The following MRPL42 variants were observed in gnomAD, a reference collection of about 807,000 sequenced individuals.
MRPL42 encodes large ribosomal subunit protein mL42.
In MRPL42, 17 loss-of-function variants were observed where a neutral mutation model predicts 17.9. The ratio of observed to expected loss-of-function variants is 0.95; its 90% CI spans 0.65 to 1.42. The LOEUF (loss-of-function observed/expected upper bound fraction) is 1.42. Ranked by LOEUF, MRPL42 falls within the 40% of genes most tolerant of loss-of-function variation. The pLI is 0.00. For synonymous variants in MRPL42, 59 were observed against 54.4 expected (o/e 1.08, Z -0.37); for missense variants, 177 against 175.2 (o/e 1.01, Z -0.06).
rs916296721 is a variant in MRPL42, at chr12:93,501,299, A to T, written c.*78A>T. 1.0e-5 allele frequency: 10 copies of T among 965,788 alleles called. No homozygotes were observed. The highest frequency in any genetic ancestry group is 1.7e-5 in the African/African-American group (1 of 58,358). The allele number at this position is 965,788 out of a possible 1,614,324, so 59.8% of individuals were successfully genotyped here. On this transcript the variant is annotated 3_prime_UTR_variant, in exon 6 of 6. Transcript: ENST00000549982. Reference sequence around the variant, plus strand: ...GAAAATGCAGTCTGGTGTATTCAGTAATATATAGTAAAGTAATAATGATAA... The same window carrying T: ...GAAAATGCAGTCTGGTGTATTCAGTTATATATAGTAAAGTAATAATGATAA...
At chr12:93,470,567 A>G in intron 2 of MRPL42, 2 of 1,280,976 alleles carry the variant, frequency 1.6e-6, no homozygotes, top group Non-Finnish European at 2.1e-6. Flanking sequence ...CCGTCACCCA[A>G]ATAGTGAACA....
rs1056087912 is a variant in MRPL42, at chr12:93,487,490, T to C, written c.220-7T>C. The C allele has an allele frequency of 1.2e-6, 2 of 1,605,666 alleles. No homozygotes were observed. Among genetic ancestry groups the C allele is most frequent in the African/African-American group, 2.7e-5 (2 of 74,434 alleles). On this transcript the variant is annotated splice_polypyrimidine_tract_variant and splice_region_variant and intron_variant, in intron 4 of 5. Transcript: ENST00000549982. ...CTTCATGATGTTTGTTACTGATTATTTTGTAGCCTATCCCTCGGCCAGATC... is the reference window on the plus strand; with the variant it reads ...CTTCATGATGTTTGTTACTGATTATCTTGTAGCCTATCCCTCGGCCAGATC...
In MRPL42 at chr12:93,495,398, G is replaced by C. The variant is rs193251720; in HGVS notation, c.384-5778G>C. The stretch of plus-strand genomic sequence containing the variant: ...ACTACCATACCTGGCTGATTTTTTT[G>C]TTGTTGTTTGTATTTTTTGGAGAGA... On this transcript the variant is annotated intron_variant, in intron 5 of 5. Transcript: ENST00000549982. Among the ~76,000 whole-genome samples the C allele has an allele frequency of 3.5e-3, 484 of 136,972 alleles. 3 individuals carry two copies. The highest frequency in any genetic ancestry group is 0.012 in the African/African-American group (457 of 38,310). 89.9% of individuals were successfully genotyped at this position (136,972 alleles called of 152,430 possible).
rs1953741224 is a variant in MRPL42 at position 93,513,206 on chromosome 12, T to TTTTTTTG, written c.*11986_*11987insTTTTTGT. ...GAATTTTTTTTTTTTTTTTTTTTTT[T>TTTTTTTG]TGAGAGAGAGGGTCTCATTCATTTT... On this transcript the variant is annotated 3_prime_UTR_variant, in exon 6 of 6. Transcript: ENST00000549982. 1 of 146,692 alleles carries TTTTTTTG rather than the reference T, an allele frequency of 6.8e-6. No individual in the cohort carries two copies. The highest frequency in any genetic ancestry group is 2.5e-5 in the African/African-American group (1 of 40,156). 9.1% of individuals were successfully genotyped at this position (146,692 alleles called of 1,614,324 possible).
chr12:93,496,025 TTG>T (rs1329613259), intron 5 of MRPL42, among the ~76,000 whole-genome samples: 1 of 152,194 alleles, frequency 6.6e-6, no homozygotes, highest in Non-Finnish European at 1.5e-5. Flanking sequence ...GTTAGAATTA[TTG>T]TGGAAAATTA....
chr12:93,468,550 A>G (rs1167979478), intron 1 of MRPL42, among the ~76,000 whole-genome samples: 3 of 152,192 alleles, frequency 2.0e-5, no homozygotes, highest in Non-Finnish European at 4.4e-5. Context: ...AATCAGAATA[A>G]AGATACCTCA....
Position 93,469,392 on chromosome 12 carries a change from A to C in MRPL42, c.70+37A>C, listed in dbSNP as rs756535409. 6.2e-6 allele frequency: 9 copies of C among 1,455,354 alleles called. No homozygotes were observed. In the East Asian group the frequency reaches 1.7e-4, roughly 28 times the overall value. 90.2% of individuals were successfully genotyped at this position (1,455,354 alleles called of 1,614,324 possible). A position where few individuals can be genotyped will look rare whatever the true frequency, so the allele number is the denominator to read the frequency against. On this transcript the variant is annotated intron_variant, in intron 2 of 5. Transcript: ENST00000549982. ...TTTTTTTAATGTTTAAAAACTTTTA[A>C]ACTTTTAAGAATTAAGAAAATTTAA...
rs946554352 is a variant in MRPL42 at position 93,508,465 on chromosome 12, G to A, written c.*7244G>A. On this transcript the variant is annotated 3_prime_UTR_variant, in exon 6 of 6. Transcript: ENST00000549982. ...AAAAAAGTGCAAGATTGGAAGCTTC[G>A]AGGCTTCTTGAGGCCTAGTCTCAGA... 5 of 152,222 alleles carry A rather than the reference G, an allele frequency of 3.3e-5. No homozygotes were observed. Among genetic ancestry groups the A allele is most frequent in the African/African-American group, 9.6e-5 (4 of 41,456 alleles). The allele number at this position is 152,222 out of a possible 1,614,324, so 9.4% of individuals were successfully genotyped here.
rs1953714358 is a variant in MRPL42, at chr12:93,510,300, T to TCATCCAGCAATCATCCAGAC, written c.*9079_*9080insCATCCAGCAATCATCCAGAC. The TCATCCAGCAATCATCCAGAC allele has an allele frequency of 6.6e-6, 1 of 152,230 alleles. No homozygotes were observed. Among genetic ancestry groups the TCATCCAGCAATCATCCAGAC allele is most frequent in the African/African-American group, 2.4e-5 (1 of 41,464 alleles). 9.4% of individuals were successfully genotyped at this position (152,230 alleles called of 1,614,324 possible). A position where few individuals can be genotyped will look rare whatever the true frequency, so the allele number is the denominator to read the frequency against. On this transcript the variant is annotated 3_prime_UTR_variant, in exon 6 of 6. Coordinates refer to ENST00000549982, the MANE Select transcript of MRPL42 (RefSeq NM_014050.4). ...CTCATTTCTTTTTAGCATCGAGTAATACTCCATTGTCTGGGTGTACAACAG... is the reference window on the plus strand; with the variant it reads ...CTCATTTCTTTTTAGCATCGAGTAATCATCCAGCAATCATCCAGACACTCCATTGTCTGGGTGTACAACAG...
intron 5 of MRPL42, among the ~76,000 whole-genome samples, chr12:93,495,761 A>G (rs1031892728): frequency 2.0e-5 from 3 of 152,202 alleles, no homozygotes; most frequent in African/African-American, 7.2e-5. Flanking sequence ...TAAGAATCTG[A>G]TAATGAGGAA....
chr12:93,477,829 A>C (rs980008706), intron 3 of MRPL42, among the ~76,000 whole-genome samples: 3 of 152,098 alleles, frequency 2.0e-5, no homozygotes, highest in African/African-American at 7.2e-5. Flanking sequence ...TGCCTGGCTA[A>C]TTTTTGTATT....
intron 4 of MRPL42, among the ~76,000 whole-genome samples, chr12:93,481,283 C>T (rs1019575593): frequency 6.6e-6 from 1 of 152,162 alleles, no homozygotes; most frequent in South Asian, 2.1e-4. Flanking sequence ...TAGAAACCTG[C>T]CTGTACCCTG....
At chr12:93,472,977 C>G (rs1247078565) in intron 2 of MRPL42, among the ~76,000 whole-genome samples, 1 of 152,184 alleles carries the variant, frequency 6.6e-6, no homozygotes, top group Non-Finnish European at 1.5e-5. Context: ...TTACTTTGTC[C>G]TGTATACTTT....
At chr12:93,487,829 C>A in intron 5 of MRPL42, 169 bp downstream of exon 5, 1 of 550,116 alleles carries the variant, frequency 1.8e-6, no homozygotes, top group Non-Finnish European at 3.1e-6. Flanking sequence ...CAGGATCTCG[C>A]TCTGTCACCC....
At chr12:93,476,884 T>A in intron 2 of MRPL42, 70 bp from the exon 3 acceptor site, 3 of 1,410,400 alleles carry the variant, frequency 2.1e-6, no homozygotes, top group East Asian at 4.6e-5. Flanking sequence ...TGAGTAAAAC[T>A]AGCTTTAAAT....
At chr12:93,490,393 C>T (rs965836194) in intron 5 of MRPL42, among the ~76,000 whole-genome samples, 1 of 152,074 alleles carries the variant, frequency 6.6e-6, no homozygotes, top group Non-Finnish European at 1.5e-5. Flanking sequence ...TAGATTATCC[C>T]AATATATATC....
chr12:93,496,286 T>TG (rs996917515), intron 5 of MRPL42, among the ~76,000 whole-genome samples: 1 of 152,052 alleles, frequency 6.6e-6, no homozygotes, highest in African/African-American at 2.4e-5. Flanking sequence ...CTTGAACTCC[T>TG]GACCTCAAGC....
rs1463340573 is a variant in MRPL42, at chr12:93,501,170, T to C, written c.384-6T>C. 3.1e-6 allele frequency: 5 copies of C among 1,589,390 alleles called. No individual in the cohort carries two copies. Among genetic ancestry groups the C allele is most frequent in the Non-Finnish European group, 4.3e-6 (5 of 1,169,162 alleles). The stretch of plus-strand genomic sequence containing the variant: ...ATCTTATTCCAAGTATTTTCTTCTT[T>C]TCAAGGTATCACAGATGTCGTAAGA... On this transcript the variant is annotated splice_polypyrimidine_tract_variant and splice_region_variant and intron_variant, in intron 5 of 5. Transcript: ENST00000549982.
intron 2 of MRPL42, among the ~76,000 whole-genome samples, chr12:93,473,304 A>C (rs1461282963): frequency 6.6e-6 from 1 of 152,074 alleles, no homozygotes; most frequent in African/African-American, 2.4e-5. Context: ...TCTGTTGCCC[A>C]GGCTGGAGTG....
Sources: gnomAD v4.1 joint callset for allele counts (sites outside exome capture counted in the v4.1 genomes callset) on GRCh38, gnomAD v4.1.1 for gene constraint, MANE v1.5 for transcripts, NCBI Gene and HGNC (gene_info 2026-07-23, HGNC 2026-07-21) for gene names.